Variants in RSAD1 observed in about 807,000 individuals in gnomAD.
RSAD1 encodes radical S-adenosyl methionine domain containing 1.
RSAD1 carries 34 observed loss-of-function variants against 46.2 expected under a neutral mutation model. The observed-to-expected ratio is 0.74, with a 90% CI of 0.56 to 0.98. RSAD1 has a LOEUF of 0.98. Ranked by LOEUF, RSAD1 falls within the 50% of genes least tolerant of loss-of-function variation. The probability of loss-of-function intolerance (pLI) is 0.00; values close to 1 mark genes in which losing one functional copy is unlikely to be tolerated. For synonymous variants in RSAD1, 260 were observed against 253.5 expected (o/e 1.03, Z -0.24); for missense variants, 635 against 592.3 (o/e 1.07, Z -0.75).
At position 50,483,470 on chromosome 17, in the gene RSAD1, C is replaced by G; in HGVS notation, c.1035C>G (p.Pro345=). ...GCCATGGCACCCGGAAGCGTGTCCC[C>G]CTGGGCAGGCTGGAGCTGTGAGCAT... is the stretch of plus-strand genomic sequence containing the variant. ...LFGHGTRKRV[P]LGRLELLEEV... Residue 345 remains proline, a synonymous_variant, in exon 6 of 9, where the codon CCC becomes CCG. Coordinates refer to ENST00000258955, the MANE Select transcript of RSAD1 (RefSeq NM_018346.3). 6.2e-7 allele frequency: 1 copy of G among 1,612,936 alleles called. No homozygotes were observed. Among genetic ancestry groups the G allele is most frequent in the Non-Finnish European group, 8.5e-7 (1 of 1,179,484 alleles).
At chr17:50,483,657 GA>G (rs2033413428) in intron 6 of RSAD1, 48 bp from the exon 7 acceptor site, 1 of 1,610,162 alleles carries the variant, frequency 6.2e-7, no homozygotes, top group Non-Finnish European at 8.5e-7. Context: ...TGGAGAATGG[GA>G]GGAGCACAGG....
Position 50,483,842 on chromosome 17 carries a change from C to T in RSAD1, c.1107+82C>T. On this transcript the variant is annotated intron_variant, in intron 7 of 8. Transcript: ENST00000258955. ...CCCCCTCCCTGCCACCCCCCCCACA[C>T]ACATATACCTCCAATTTCTGTGAGA... is the stretch of plus-strand genomic sequence containing the variant. 3.8e-6 allele frequency: 5 copies of T among 1,313,584 alleles called. No individual in the cohort carries two copies. In the South Asian group the frequency reaches 5.6e-5, roughly 15 times the overall value. The allele number at this position is 1,313,584 out of a possible 1,614,324, so 81.4% of individuals were successfully genotyped here.
At chr17:50,482,024 A>G (rs1162480022) in intron 3 of RSAD1, 67 bp from the exon 4 acceptor site, 1 of 1,470,470 alleles carries the variant, frequency 6.8e-7, no homozygotes, top group African/African-American at 1.4e-5. Flanking sequence ...CTGTGTCTAC[A>G]ATGGGGAGGA....
In RSAD1 at chr17:50,482,216, G is replaced by A. The variant is rs1164919830; in HGVS notation, c.600G>A (p.Leu200=). Residue 200 remains leucine, a synonymous_variant, in exon 4 of 9, where the codon CTG becomes CTA. Transcript: ENST00000258955. ...TGTCTGTAGACTTGATGCTGGGGCTGCCGGCACAGCAGGTGGGGCCGTGGC... is the reference window on the plus strand; with the variant it reads ...TGTCTGTAGACTTGATGCTGGGGCTACCGGCACAGCAGGTGGGGCCGTGGC... ...GRVSVDLMLG[L]PAQQVGPWLG... 6.4e-7 allele frequency: 1 copy of A among 1,567,060 alleles called. No homozygotes were observed. The highest frequency in any genetic ancestry group is 1.2e-5 in the South Asian group (1 of 85,126).
intron 1 of RSAD1, 162 bp downstream of exon 1, chr17:50,479,181 G>A: frequency 3.9e-6 from 3 of 767,630 alleles, no homozygotes; most frequent in Non-Finnish European, 5.4e-6. Context: ...CTTTGGCAGG[G>A]AAATGACTTG....
In RSAD1 at chr17:50,479,687, G is replaced by A. The variant is rs1038243012; in HGVS notation, c.194G>A (p.Arg65His). The A allele has an allele frequency of 1.1e-5, 17 of 1,613,892 alleles. No individual in the cohort carries two copies. In the African/African-American group the frequency reaches 2.1e-4, roughly 20 times the overall value. Reference sequence around the variant, plus strand: ...AACTTCAACAAGTACATCCCTCGCCGCCTGGAGGAGGCTGCCATGCAGAAG... The same window carrying A: ...AACTTCAACAAGTACATCCCTCGCCACCTGGAGGAGGCTGCCATGCAGAAG... ...YCNFNKYIPRRLEEAAMQKCL... is the reference protein window; with the variant it reads ...YCNFNKYIPRHLEEAAMQKCL... Residue 65 changes from arginine (R) to histidine (H), a missense_variant, in exon 2 of 9, where the codon CGC becomes CAC. By Grantham distance (29) the Arg-to-His change is conservative. Transcript: ENST00000258955.
chr17:50,479,992 G>A lies in RSAD1; in HGVS notation c.382G>A (p.Val128Ile). Reference protein sequence around the residue: ...QAAHLPADLEVTLEANPTSAP... With the variant: ...QAAHLPADLEITLEANPTSAP... ...AGCCCACCTGCCTGCAGACTTGGAAGTCACATTGGAGGCTAATCCTACTTC... is the reference window on the plus strand; with the variant it reads ...AGCCCACCTGCCTGCAGACTTGGAAATCACATTGGAGGCTAATCCTACTTC... The change falls in exon 3 of 9, where the codon GTC becomes ATC. Residue 128 changes from valine (V) to isoleucine (I), a missense_variant. By Grantham distance (29) the Val-to-Ile change is conservative. Transcript: ENST00000258955. 6.2e-7 allele frequency: 1 copy of A among 1,614,226 alleles called. No homozygotes were observed. Among genetic ancestry groups the A allele is most frequent in the Non-Finnish European group, 8.5e-7 (1 of 1,180,042 alleles).
chr17:50,484,676 C>T (rs1454076664), intron 8 of RSAD1, 68 bp from the exon 9 acceptor site: 7 of 1,539,212 alleles, frequency 4.5e-6, no homozygotes, highest in Non-Finnish European at 6.3e-6. Context: ...GGGAGCTCGG[C>T]CCTGCTGGGT....
chr17:50,484,647 G>A (rs2033429043), intron 8 of RSAD1, 97 bp from the exon 9 acceptor site: 4 of 1,516,862 alleles, frequency 2.6e-6, no homozygotes, highest in Middle Eastern at 1.7e-4. Context: ...TGACTGGTAA[G>A]GCGGGACCTG....
At chr17:50,482,563 T>A in intron 4 of RSAD1, 80 bp from the exon 5 acceptor site, 1 of 1,612,726 alleles carries the variant, frequency 6.2e-7, no homozygotes, top group Non-Finnish European at 8.5e-7. Flanking sequence ...TGGTGGGACA[T>A]TCTAACCTGG....
At position 50,483,733 on chromosome 17, in the gene RSAD1, A is replaced by G. The variant is rs1322434349; in HGVS notation, c.1080A>G (p.Leu360=). Residue 360 remains leucine (L), a synonymous_variant, in exon 7 of 9, where the codon CTA becomes CTG. Coordinates refer to ENST00000258955, the MANE Select transcript of RSAD1 (RefSeq NM_018346.3). ...TGGAGGAAGTTTTGGCCCTGGGGCT[A>G]CGCACCGATGTGGGGATCACTCACC... ...ELLEEVLALG[L]RTDVGITHQH... 6.2e-7 allele frequency: 1 copy of G among 1,612,854 alleles called. No individual in the cohort carries two copies. The highest frequency in any genetic ancestry group is 8.5e-7 in the Non-Finnish European group (1 of 1,179,672).
chr17:50,482,609 T>C (rs1457155945), intron 4 of RSAD1, 34 bp from the exon 5 acceptor site: 3 of 1,613,724 alleles, frequency 1.9e-6, no homozygotes, highest in Non-Finnish European at 2.5e-6. Context: ...AGGCCTGCCC[T>C]CTTCACTCTG....
chr17:50,484,942 G>T lies in RSAD1; in HGVS notation c.*81G>T, dbSNP rs943459532. The T allele has an allele frequency of 1.0e-5, 11 of 1,100,334 alleles. No individual in the cohort carries two copies. Among genetic ancestry groups the T allele is most frequent in the Non-Finnish European group, 1.5e-5 (11 of 727,180 alleles). The allele number at this position is 1,100,334 out of a possible 1,614,324, so 68.2% of individuals were successfully genotyped here. On this transcript the variant is annotated 3_prime_UTR_variant, in exon 9 of 9. Transcript: ENST00000258955. ...GTACTGCAGACATCTCTTCTCCGTTGTCGGGTGCCGTCTCTGCTCCTTGTG... is the reference window on the plus strand; with the variant it reads ...GTACTGCAGACATCTCTTCTCCGTTTTCGGGTGCCGTCTCTGCTCCTTGTG...
chr17:50,480,149 A>G (rs773075170), intron 3 of RSAD1, 65 bp downstream of exon 3: 5 of 1,532,302 alleles, frequency 3.3e-6, no homozygotes, highest in East Asian at 2.3e-5. Flanking sequence ...CTCTTTGGTC[A>G]CATTCATTCA....
In RSAD1 at chr17:50,485,073, C is replaced by A. The variant is rs2033436957; in HGVS notation, c.*212C>A. The A allele has an allele frequency of 1.8e-6, 1 of 566,406 alleles. No individual in the cohort carries two copies. The highest frequency in any genetic ancestry group is 3.2e-6 in the Non-Finnish European group (1 of 316,162). The allele number at this position is 566,406 out of a possible 1,614,324, so 35.1% of individuals were successfully genotyped here. On this transcript the variant is annotated 3_prime_UTR_variant, in exon 9 of 9. Coordinates refer to ENST00000258955, the MANE Select transcript of RSAD1 (RefSeq NM_018346.3). ...ATCCCATTCAGCATCTCAGGACTCA[C>A]AGGCCAACATGTGTTCCATGGCTGG...
chr17:50,482,986 C>G (rs1351209966), intron 5 of RSAD1, among the ~76,000 whole-genome samples: 1 of 150,832 alleles, frequency 6.6e-6, no homozygotes, highest in Non-Finnish European at 1.5e-5. Flanking sequence ...TTGGACAGGG[C>G]TAGAGGAGAG....
chr17:50,481,675 G>GT (rs1190006373), intron 3 of RSAD1, among the ~76,000 whole-genome samples: 4 of 151,976 alleles, frequency 2.6e-5, no homozygotes, highest in Admixed American at 6.6e-5. Flanking sequence ...CAAGATGAAG[G>GT]TTTTTTTTGT....
intron 4 of RSAD1, 65 bp downstream of exon 4, chr17:50,482,521 T>C: frequency 6.2e-7 from 1 of 1,609,516 alleles, no homozygotes; most frequent in Non-Finnish European, 8.5e-7. Flanking sequence ...CAGGGCGTTG[T>C]GACCTTCTGA....
Position 50,482,410 on chromosome 17 carries a change from G to T in RSAD1, c.794G>T (p.Arg265Leu). Residue 265 changes from arginine (R) to leucine (L), a missense_variant, in exon 4 of 9, where the codon CGG (arginine) becomes CTG (leucine). Physicochemically the swap from Arg to Leu is moderately radical, Grantham distance 102. Coordinates refer to ENST00000258955, the MANE Select transcript of RSAD1 (RefSeq NM_018346.3). ...EMYQRGRAVL[R>L]EAGFHQYEVS... The stretch of plus-strand genomic sequence containing the variant: ...TACCAGAGGGGCCGGGCTGTCCTTC[G>T]GGAGGCTGGCTTCCACCAGTATGAG... The T allele has an allele frequency of 6.3e-7, 1 of 1,589,714 alleles. No homozygotes were observed.
Sources: allele counts gnomAD v4.1 joint callset (sites outside exome capture counted in the v4.1 genomes callset), GRCh38; gene constraint gnomAD v4.1.1; transcripts MANE v1.5; gene names NCBI Gene and HGNC (gene_info 2026-07-23, HGNC 2026-07-21).